The following NDST4 variants were observed in gnomAD, a reference collection of about 807,000 sequenced individuals.
NDST4 encodes N-heparan sulfate sulfotransferase 4.
In NDST4, 63 loss-of-function variants were observed where a neutral mutation model predicts 100.8. That is an observed-to-expected ratio of 0.62 (90% CI 0.51 to 0.77). The LOEUF is 0.77. NDST4 is among the 30% of genes least tolerant of loss of function. The probability of loss-of-function intolerance (pLI) is 0.00; values close to 1 mark genes in which losing one functional copy is unlikely to be tolerated. For synonymous variants in NDST4, 377 were observed against 361.8 expected, an observed-to-expected ratio of 1.04 and a Z score of -0.48; for missense variants, 943 against 1,018.4, an observed-to-expected ratio of 0.93 and a Z score of 1.01.
At chr4:115,017,057 T>A (rs1727694865) in intron 2 of NDST4, among the ~76,000 whole-genome samples, 1 of 151,830 alleles carries the variant, frequency 6.6e-6, no homozygotes, top group African/African-American at 2.4e-5. Flanking sequence ...TATAACGAAA[T>A]CTAGGAATTT....
At chr4:114,900,682 T>C (rs1037836129) in intron 6 of NDST4, among the ~76,000 whole-genome samples, 3 of 152,164 alleles carry the variant, frequency 2.0e-5, no homozygotes, top group Non-Finnish European at 4.4e-5. Context: ...TATAAGTTTG[T>C]GAAGATACAT....
chr4:114,928,471 T>G (rs1460454086), intron 6 of NDST4, among the ~76,000 whole-genome samples: 1 of 152,206 alleles, frequency 6.6e-6, no homozygotes, highest in East Asian at 1.9e-4. Flanking sequence ...TTCATTCAAT[T>G]CTTCCTTCTT....
At chr4:114,975,141 G>C (rs1726603947) in intron 3 of NDST4, among the ~76,000 whole-genome samples, 1 of 152,114 alleles carries the variant, frequency 6.6e-6, no homozygotes, top group South Asian at 2.1e-4. Context: ...GTATCACGTT[G>C]TGTAACTCAG....
At chr4:114,837,345 CA>C (rs535809493) in intron 11 of NDST4, among the ~76,000 whole-genome samples, 25 of 151,198 alleles carry the variant, frequency 1.7e-4, no homozygotes, top group Admixed American at 7.3e-4. Flanking sequence ...CATATGGAAC[CA>C]AAAAAAGAGC....
intron 2 of NDST4, among the ~76,000 whole-genome samples, chr4:115,002,589 G>A (rs1044262259): frequency 9.9e-5 from 15 of 152,122 alleles, no homozygotes; most frequent in African/African-American, 2.2e-4. Flanking sequence ...GTCCTGAATC[G>A]TATTGCCTAG....
At chr4:114,845,742 AG>A in intron 10 of NDST4, 80 bp downstream of exon 10, 1 of 1,262,564 alleles carries the variant, frequency 7.9e-7, no homozygotes, top group South Asian at 1.6e-5. Flanking sequence ...TCATATGTTT[AG>A]GTTCTATTCT....
At chr4:114,914,934 G>A (rs1268121154) in intron 6 of NDST4, among the ~76,000 whole-genome samples, 1 of 152,060 alleles carries the variant, frequency 6.6e-6, no homozygotes, top group Non-Finnish European at 1.5e-5. Context: ...TGGAGGTGGG[G>A]CATCTTTTAA....
intron 1 of NDST4, among the ~76,000 whole-genome samples, chr4:115,090,810 G>A (rs760915297): frequency 1.1e-4 from 17 of 152,026 alleles, no homozygotes; most frequent in Non-Finnish European, 1.9e-4. Flanking sequence ...TGGGCTCTCA[G>A]GATGAGCATC....
At chr4:114,914,466 T>C (rs1018863447) in intron 6 of NDST4, among the ~76,000 whole-genome samples, 1 of 152,058 alleles carries the variant, frequency 6.6e-6, no homozygotes, top group Non-Finnish European at 1.5e-5. Flanking sequence ...CCCACAAAAA[T>C]TAAAATATAA....
chr4:114,893,114 T>C (rs1476706035), intron 6 of NDST4, among the ~76,000 whole-genome samples: 3 of 152,196 alleles, frequency 2.0e-5, no homozygotes, highest in East Asian at 3.9e-4. Flanking sequence ...ATGGTGTATA[T>C]GTAGCACATT....
chr4:115,099,261 AT>A (rs936759907), intron 1 of NDST4, among the ~76,000 whole-genome samples: 3 of 151,538 alleles, frequency 2.0e-5, no homozygotes, highest in South Asian at 2.1e-4. Context: ...GATGACCTTG[AT>A]TTTTTTTTAC....
intron 13 of NDST4, among the ~76,000 whole-genome samples, chr4:114,828,308 C>T (rs1450924002): frequency 6.6e-6 from 1 of 151,976 alleles, no homozygotes; most frequent in African/African-American, 2.4e-5. Flanking sequence ...AATGTACATA[C>T]ATTTTTTTTT....
intron 2 of NDST4, 140 bp downstream of exon 2, chr4:115,075,919 A>G (rs746547833): frequency 3.0e-6 from 3 of 1,010,434 alleles, no homozygotes; most frequent in Non-Finnish European, 4.2e-6. Context: ...TCTTGGTTCA[A>G]TATTTTTCTA....
intron 4 of NDST4, among the ~76,000 whole-genome samples, chr4:114,948,532 A>G (rs1351192379): frequency 6.6e-6 from 1 of 152,206 alleles, no homozygotes; most frequent in African/African-American, 2.4e-5. Context: ...TTCTGTAGAC[A>G]TGTTCACACA....
chr4:115,072,963 C>T (rs1560589745), intron 2 of NDST4, among the ~76,000 whole-genome samples: 1 of 151,916 alleles, frequency 6.6e-6, no homozygotes, highest in Non-Finnish European at 1.5e-5. Context: ...ATATCAAACT[C>T]AAGTATCTCA....
intron 2 of NDST4, among the ~76,000 whole-genome samples, chr4:115,013,387 C>T (rs12501272): frequency 2.6e-5 from 1 of 37,740 alleles, no homozygotes; most frequent in African/African-American, 6.9e-5. Flanking sequence ...ACATACATAC[C>T]TAATATGTAC....
intron 6 of NDST4, among the ~76,000 whole-genome samples, chr4:114,887,134 AG>A (rs1478604915): frequency 6.6e-6 from 1 of 152,202 alleles, no homozygotes; most frequent in African/African-American, 2.4e-5. Context: ...AATGTGCTAA[AG>A]ATTTATTCTT....
chr4:115,074,056 T>G (rs907632147), intron 2 of NDST4, among the ~76,000 whole-genome samples: 1 of 151,914 alleles, frequency 6.6e-6, no homozygotes, highest in African/African-American at 2.4e-5. Context: ...ATATTATATA[T>G]TACTCAATAT....
At chr4:115,051,370 AG>A (rs1384625195) in intron 2 of NDST4, among the ~76,000 whole-genome samples, 1 of 152,082 alleles carries the variant, frequency 6.6e-6, no homozygotes, top group Non-Finnish European at 1.5e-5. Flanking sequence ...ACATTTAAGT[AG>A]TAATAACCAC....
Sources: gnomAD v4.1 joint callset for allele counts (sites outside exome capture counted in the v4.1 genomes callset) on GRCh38, gnomAD v4.1.1 for gene constraint, MANE v1.5 for transcripts, NCBI Gene and HGNC (gene_info 2026-07-23, HGNC 2026-07-21) for gene names.